TENM2: variants seen among roughly 807,000 people sequenced by gnomAD.
TENM2 encodes the protein teneurin-2.
A neutral mutation model predicts 245.2 loss-of-function variants in TENM2; 52 were observed. That is an observed-to-expected ratio of 0.21 (90% CI 0.17 to 0.27). The LOEUF is 0.27. Among genes scored for constraint, TENM2 ranks in the 10% least tolerant of loss-of-function variants. The pLI is 1.00. For synonymous variants in TENM2, 1,363 were observed against 1,438.9 expected (o/e 0.95, Z 1.19); for missense variants, 3,046 against 3,666.8 (o/e 0.83, Z 4.37).
chr5:167,649,406 C>T (rs1219899663), intron 2 of TENM2, among the ~76,000 whole-genome samples: 1 of 152,160 alleles, frequency 6.6e-6, no homozygotes, highest in Non-Finnish European at 1.5e-5. Context: ...ACACCTGACA[C>T]CTTGCCTAGT....
intron 2 of TENM2, among the ~76,000 whole-genome samples, chr5:167,405,093 C>T (rs1561928558): frequency 1.3e-5 from 2 of 152,118 alleles, no homozygotes. Flanking sequence ...TGAAATTAAT[C>T]CGTGCCACAG....
chr5:168,099,874 A>G (rs1174704043), intron 9 of TENM2, among the ~76,000 whole-genome samples: 2 of 152,196 alleles, frequency 1.3e-5, no homozygotes, highest in African/African-American at 2.4e-5. Flanking sequence ...GTCACACAGT[A>G]TGGTGAAAGC....
the TENM2 span, among the ~76,000 whole-genome samples, chr5:167,245,974 G>A: frequency 6.6e-6 from 1 of 152,124 alleles, no homozygotes; most frequent in Non-Finnish European, 1.5e-5. Flanking sequence ...GAAAATGACA[G>A]CCTCCATGCC....
chr5:167,452,250 G>A (rs1031501472), intron 2 of TENM2, among the ~76,000 whole-genome samples: 10 of 152,180 alleles, frequency 6.6e-5, no homozygotes, highest in African/African-American at 2.2e-4. Context: ...ACAAATGTAT[G>A]TTTATTGAAT....
chr5:168,000,510 A>G (rs1233467027), intron 5 of TENM2, among the ~76,000 whole-genome samples: 1 of 152,196 alleles, frequency 6.6e-6, no homozygotes, highest in Non-Finnish European at 1.5e-5. Flanking sequence ...CCTCATCAGA[A>G]AAATGAGGAG....
chr5:167,728,828 C>T (rs1760219667), intron 2 of TENM2: 1 of 152,210 alleles, frequency 6.6e-6, no homozygotes, highest in African/African-American at 2.4e-5. Flanking sequence ...ATCTCTGGCA[C>T]TGAAGAGGAG....
At chr5:167,921,277 C>T (rs1487598283) in intron 3 of TENM2, among the ~76,000 whole-genome samples, 4 of 152,150 alleles carry the variant, frequency 2.6e-5, no homozygotes, top group Admixed American at 6.5e-5. Context: ...GGATTTCACT[C>T]GCTGTGTACA....
intron 2 of TENM2, among the ~76,000 whole-genome samples, chr5:167,537,740 T>A (rs1274959829): frequency 6.6e-6 from 1 of 152,192 alleles, no homozygotes; most frequent in Non-Finnish European, 1.5e-5. Context: ...TAGACGCTCC[T>A]TGGGGAAAGG....
chr5:167,716,725 T>G (rs930574989), intron 2 of TENM2, among the ~76,000 whole-genome samples: 1 of 152,132 alleles, frequency 6.6e-6, no homozygotes, highest in Admixed American at 6.5e-5. Flanking sequence ...CAGTGGTATT[T>G]GGGAGCTGGG....
intron 2 of TENM2, among the ~76,000 whole-genome samples, chr5:167,642,837 T>G (rs1779699773): frequency 6.6e-6 from 1 of 152,162 alleles, no homozygotes; most frequent in Non-Finnish European, 1.5e-5. Flanking sequence ...CAAGCCCCCC[T>G]TAGCATGTTT....
chr5:167,436,699 C>T (rs570252908), intron 2 of TENM2, among the ~76,000 whole-genome samples: 9 of 152,192 alleles, frequency 5.9e-5, no homozygotes, highest in South Asian at 2.1e-4. Context: ...CCAGGGTTCC[C>T]GTGCTGTGTG....
chr5:167,306,753 G>A (rs1473823114), intron 1 of TENM2: 2 of 152,150 alleles, frequency 1.3e-5, no homozygotes, highest in South Asian at 2.1e-4. Context: ...ACCATCATTC[G>A]TTTTCCCAAT....
chr5:167,825,571 T>C (rs1280638581), intron 2 of TENM2, among the ~76,000 whole-genome samples: 1 of 152,182 alleles, frequency 6.6e-6, no homozygotes, highest in African/African-American at 2.4e-5. Context: ...CTAGCTCCTC[T>C]GGCGTGCACA....
chr5:167,588,294 A>G (rs1775641392), intron 2 of TENM2, among the ~76,000 whole-genome samples: 1 of 152,216 alleles, frequency 6.6e-6, no homozygotes, highest in African/African-American at 2.4e-5. Flanking sequence ...AAGCCTGGTG[A>G]CAGTGCTTAG....
chr5:167,833,793 A>G (rs1768726942), intron 2 of TENM2, among the ~76,000 whole-genome samples: 1 of 152,226 alleles, frequency 6.6e-6, no homozygotes, highest in Non-Finnish European at 1.5e-5. Context: ...AGTAAGCAAC[A>G]GAGTAAAGAA....
intron 2 of TENM2, among the ~76,000 whole-genome samples, chr5:167,697,279 G>A (rs1350566809): frequency 6.6e-6 from 1 of 152,146 alleles, no homozygotes; most frequent in Non-Finnish European, 1.5e-5. Context: ...TTCCATAGAA[G>A]GCCCTCCTTG....
chr5:167,356,212 A>G (rs1004091909), intron 1 of TENM2, among the ~76,000 whole-genome samples: 3 of 113,016 alleles, frequency 2.7e-5, no homozygotes, highest in African/African-American at 9.8e-5. Context: ...AAAAAAAAAA[A>G]AAAAAAAAAT....
chr5:167,418,166 A>C (rs6867603), intron 2 of TENM2, among the ~76,000 whole-genome samples: 104,840 of 151,900 alleles, frequency 0.69, 36,612 homozygotes, highest in Admixed American at 0.75. Context: ...CCCATCTCTA[A>C]TAAAAATACA....
intron 1 of TENM2, among the ~76,000 whole-genome samples, chr5:167,326,970 AG>A (rs1344340633): frequency 6.6e-6 from 1 of 152,092 alleles, no homozygotes; most frequent in African/African-American, 2.4e-5. Flanking sequence ...CTGTATTGGA[AG>A]CCTAAAGGAA....
Sources: allele counts gnomAD v4.1 joint callset (sites outside exome capture counted in the v4.1 genomes callset), GRCh38; gene constraint gnomAD v4.1.1; transcripts MANE v1.5; gene names NCBI Gene and HGNC (gene_info 2026-07-23, HGNC 2026-07-21).